Variants in CLSTN2 observed in about 807,000 individuals in gnomAD.
CLSTN2 encodes calsyntenin-2.
A neutral mutation model predicts 101.2 loss-of-function variants in CLSTN2; 48 were observed. The observed-to-expected ratio is 0.47, with a 90% confidence interval of 0.38 to 0.60. CLSTN2 has a LOEUF of 0.60. Ranked by LOEUF, CLSTN2 falls within the 20% of genes least tolerant of loss-of-function variation. CLSTN2 has a pLI of 0.00. For synonymous variants in CLSTN2, 481 were observed against 463.6 expected (o/e 1.04, Z -0.48); for missense variants, 1,160 against 1,238.2 (o/e 0.94, Z 0.95).
At chr3:140,245,265 A>G (rs1040451300) in intron 2 of CLSTN2, among the ~76,000 whole-genome samples, 8 of 152,238 alleles carry the variant, frequency 5.3e-5, no homozygotes, top group East Asian at 3.8e-4. Flanking sequence ...ACAAATAGAT[A>G]TAAGTTCCAG....
At chr3:140,035,137 T>C (rs1028603343) in intron 1 of CLSTN2, among the ~76,000 whole-genome samples, 2 of 152,216 alleles carry the variant, frequency 1.3e-5, no homozygotes, top group East Asian at 3.8e-4. Flanking sequence ...GAAGTAAACA[T>C]TTACCTTTTG....
chr3:140,427,203 A>G (rs238369), intron 5 of CLSTN2, among the ~76,000 whole-genome samples: 51,770 of 113,186 alleles, frequency 0.46, 12,493 homozygotes, highest in East Asian at 0.77. Context: ...ATATATATAT[A>G]TGTGTATATA....
At chr3:140,091,454 T>G (rs2008778701) in intron 1 of CLSTN2, among the ~76,000 whole-genome samples, 1 of 152,108 alleles carries the variant, frequency 6.6e-6, no homozygotes, top group African/African-American at 2.4e-5. Flanking sequence ...GGGAAGGAAT[T>G]CCTAGAAAAC....
chr3:140,416,506 A>G (rs896846731), intron 4 of CLSTN2, among the ~76,000 whole-genome samples: 1 of 152,142 alleles, frequency 6.6e-6, no homozygotes, highest in Non-Finnish European at 1.5e-5. Context: ...AAATATATAC[A>G]ATTTTTATTT....
chr3:140,216,070 C>T (rs2010916701), intron 2 of CLSTN2, among the ~76,000 whole-genome samples: 1 of 152,148 alleles, frequency 6.6e-6, no homozygotes, highest in Non-Finnish European at 1.5e-5. Flanking sequence ...AGCGCCACTT[C>T]CTGCCAGATC....
At chr3:140,119,001 A>C (rs2009293943) in intron 1 of CLSTN2, among the ~76,000 whole-genome samples, 1 of 152,156 alleles carries the variant, frequency 6.6e-6, no homozygotes, top group South Asian at 2.1e-4. Flanking sequence ...AACATAGCAG[A>C]GCAGGCAGGT....
chr3:140,272,331 A>G lies in CLSTN2; in HGVS notation c.232+96258A>G, dbSNP rs183835742. On this transcript the variant is annotated intron_variant, in intron 2 of 16. Transcript: ENST00000458420. ...ATGCCAGACACAGAGTAACCATGCA[A>G]TCTATGGCCATATGCTGTGAATAAA... Among the ~76,000 whole-genome samples, 81 of 152,344 alleles carry G rather than the reference A, an allele frequency of 5.3e-4. 1 individual carries two copies. Among genetic ancestry groups the G allele is most frequent in the South Asian group, 1.7e-3 (8 of 4,830 alleles).
chr3:140,501,818 G>A (rs991095657), intron 8 of CLSTN2, among the ~76,000 whole-genome samples: 3 of 152,182 alleles, frequency 2.0e-5, no homozygotes, highest in African/African-American at 7.2e-5. Flanking sequence ...CATGTTAATT[G>A]CCTGGAGAAC....
intron 1 of CLSTN2, among the ~76,000 whole-genome samples, chr3:140,136,774 C>T (rs899512759): frequency 6.6e-5 from 10 of 152,176 alleles, no homozygotes; most frequent in Non-Finnish European, 1.0e-4. Flanking sequence ...ATTGTCCTGG[C>T]AGGGAGCAGG....
chr3:139,996,916 G>T (rs945925981), intron 1 of CLSTN2, among the ~76,000 whole-genome samples: 2 of 151,494 alleles, frequency 1.3e-5, no homozygotes, highest in Non-Finnish European at 2.9e-5. Flanking sequence ...GCGTGGTGGC[G>T]GGCACCTGTA....
intron 2 of CLSTN2, among the ~76,000 whole-genome samples, chr3:140,282,557 T>A (rs982360182): frequency 6.6e-6 from 1 of 152,200 alleles, no homozygotes; most frequent in East Asian, 1.9e-4. Context: ...GGCAGCTAAT[T>A]CAGTATTTTT....
At chr3:140,115,462 A>C (rs956905658) in intron 1 of CLSTN2, among the ~76,000 whole-genome samples, 2 of 152,134 alleles carry the variant, frequency 1.3e-5, no homozygotes, top group African/African-American at 4.8e-5. Context: ...CTGGCTCATC[A>C]GGGCTAAGAA....
In CLSTN2 at chr3:140,570,525, T is replaced by C. The variant is rs1409350477; in HGVS notation, c.*4272T>C. 6.6e-6 allele frequency: 1 copy of C among 152,166 alleles called. No individual in the cohort carries two copies. Among genetic ancestry groups the C allele is most frequent in the African/African-American group, 2.4e-5 (1 of 41,444 alleles). 9.4% of individuals were successfully genotyped at this position (152,166 alleles called of 1,614,324 possible). On this transcript the variant is annotated 3_prime_UTR_variant, in exon 17 of 17. Coordinates refer to ENST00000458420, the MANE Select transcript of CLSTN2 (RefSeq NM_022131.3). ...GAGGGGAGTTCTGGAACCAATCCCCTACAGATACTGAGGGATGACTGTACT... is the reference window on the plus strand; with the variant it reads ...GAGGGGAGTTCTGGAACCAATCCCCCACAGATACTGAGGGATGACTGTACT...
intron 2 of CLSTN2, among the ~76,000 whole-genome samples, chr3:140,364,288 T>C (rs904218125): frequency 6.6e-6 from 1 of 152,124 alleles, no homozygotes; most frequent in Non-Finnish European, 1.5e-5. Context: ...CCCTTCTCCT[T>C]GCCCTTAATG....
chr3:140,129,811 C>T, intron 1 of CLSTN2, among the ~76,000 whole-genome samples: 1 of 152,090 alleles, frequency 6.6e-6, no homozygotes, highest in East Asian at 1.9e-4. Context: ...TCTTGGAGTG[C>T]CATTCATCAC....
At chr3:140,059,710 C>T (rs1334835161) in intron 1 of CLSTN2, among the ~76,000 whole-genome samples, 2 of 152,178 alleles carry the variant, frequency 1.3e-5, no homozygotes, top group Non-Finnish European at 2.9e-5. Flanking sequence ...TTGGAAGCAG[C>T]TGAAGTGAGC....
At chr3:139,963,251 G>A (rs1935541191) in intron 1 of CLSTN2, among the ~76,000 whole-genome samples, 3 of 152,104 alleles carry the variant, frequency 2.0e-5, no homozygotes, top group Non-Finnish European at 2.9e-5. Flanking sequence ...CATACCTCCA[G>A]ACCCCTCCCT....
chr3:140,403,610 G>A lies in CLSTN2; in HGVS notation c.233-19G>A. 1 of 1,589,236 alleles carries A rather than the reference G, an allele frequency of 6.3e-7. No homozygotes were observed. The highest frequency in any genetic ancestry group is 8.6e-7 in the Non-Finnish European group (1 of 1,165,740). On this transcript the variant is annotated intron_variant, in intron 2 of 16. Coordinates refer to ENST00000458420, the MANE Select transcript of CLSTN2 (RefSeq NM_022131.3). The stretch of plus-strand genomic sequence containing the variant: ...GCAATTCTCAGGATTCCCACTCACT[G>A]TTTTCCATCCTTCTGCAGGGGAAAT...
intron 2 of CLSTN2, among the ~76,000 whole-genome samples, chr3:140,210,614 A>G (rs947685590): frequency 1.3e-5 from 2 of 152,210 alleles, no homozygotes; most frequent in African/African-American, 2.4e-5. Context: ...AGGAAACATC[A>G]AGCTGCTTCT....
Sources: gnomAD v4.1 joint callset for allele counts (sites outside exome capture counted in the v4.1 genomes callset) on GRCh38, gnomAD v4.1.1 for gene constraint, MANE v1.5 for transcripts, NCBI Gene and HGNC (gene_info 2026-07-23, HGNC 2026-07-21) for gene names.